Variants in ARHGEF9 observed in about 807,000 individuals in gnomAD.
ARHGEF9 encodes the protein Cdc42 guanine nucleotide exchange factor 9.
In ARHGEF9, 2 loss-of-function variants were observed where a neutral mutation model predicts 41.3. The observed-to-expected ratio is 0.05, with a 90% confidence interval of 0.02 to 0.15. ARHGEF9 has a LOEUF of 0.15. ARHGEF9 is among the 10% of genes least tolerant of loss of function. The pLI is 1.00. For missense variants in ARHGEF9, 225 were observed against 424.7 expected, an observed-to-expected ratio of 0.53 and a Z score of 4.13; for synonymous variants, 160 against 154.4, an observed-to-expected ratio of 1.04 and a Z score of -0.27.
At chrX:63,782,455 G>GA (rs2056397830) in intron 1 of ARHGEF9, among the ~76,000 whole-genome samples, 1 of 112,225 alleles carries the variant, frequency 8.9e-6, no homozygotes, top group South Asian at 3.7e-4. Context: ...TGGCATTGCA[G>GA]AAAGAAGCCA....
chrX:63,666,129 G>T, intron 6 of ARHGEF9, 112 bp from the exon 7 acceptor site: 1 of 1,013,664 alleles, frequency 9.9e-7, no homozygotes, highest in Non-Finnish European at 1.4e-6. Context: ...GCCAGAAAGG[G>T]CCTGGTAGAG....
At position 63,783,276 on chromosome X, in the gene ARHGEF9, T is replaced by A. The variant is rs868983410; in HGVS notation, c.30+1840A>T. On this transcript the variant is annotated intron_variant, in intron 1 of 9. Coordinates refer to ENST00000671741, the MANE Select transcript of ARHGEF9 (RefSeq NM_001353921.2). ...TGGCATGGATTTTTTTCGGGTAATT[T>A]TTTTTTTTTTTTTTTGAGATGGAGT... 6.8e-3 allele frequency among the ~76,000 whole-genome samples: 729 copies of A among 107,094 alleles called. 5 individuals are homozygous for A. Among genetic ancestry groups the A allele is most frequent in the Non-Finnish European group, 0.011 (575 of 51,479 alleles). The allele number at this position is 107,094 out of a possible 115,157, so 93.0% of individuals were successfully genotyped here.
intron 1 of ARHGEF9, among the ~76,000 whole-genome samples, chrX:63,744,621 T>C (rs1184660155): frequency 8.9e-6 from 1 of 112,078 alleles, no homozygotes; most frequent in African/African-American, 3.2e-5. Context: ...ATCTCTGCCC[T>C]ACCCACTTCA....
intron 8 of ARHGEF9, among the ~76,000 whole-genome samples, chrX:63,647,325 G>A (rs782382697): frequency 8.9e-6 from 1 of 111,896 alleles, no homozygotes; most frequent in East Asian, 2.8e-4. Flanking sequence ...CAAAGGGAAT[G>A]CTTCCAGTTT....
chrX:63,741,355 C>G, intron 1 of ARHGEF9, among the ~76,000 whole-genome samples: 1 of 112,508 alleles, frequency 8.9e-6, no homozygotes, highest in Admixed American at 9.4e-5. Context: ...ACTGCCCTCT[C>G]AAGTCTAATT....
At chrX:63,693,666 A>T (rs1426783955) in intron 4 of ARHGEF9, among the ~76,000 whole-genome samples, 1 of 109,344 alleles carries the variant, frequency 9.1e-6, no homozygotes, top group Non-Finnish European at 1.9e-5. Flanking sequence ...TTACATATTA[A>T]TTTTTAATAA....
At chrX:63,655,391 T>C in intron 8 of ARHGEF9, 103 bp downstream of exon 8, 1 of 1,141,353 alleles carries the variant, frequency 8.8e-7, no homozygotes. Context: ...TTAAGTCAGT[T>C]TGCAACAGAA....
In ARHGEF9 at chrX:63,724,647, C is replaced by G; in HGVS notation, c.95G>C (p.Arg32Pro). ...GTCGCCAGCTTTAAATGCCAACTCC[C>G]GGTTGGCCATGGTGACGTGATCCCA... ...AVWDHVTMANRELAFKAGDVI... is the reference protein window; with the variant it reads ...AVWDHVTMANPELAFKAGDVI... Residue 32 changes from arginine (R) to proline (P), a missense_variant, in exon 2 of 10, where the codon CGG (arginine) becomes CCG (proline). By Grantham distance (103) the Arg-to-Pro change is moderately radical. This residue lies in a region of ARHGEF9 where 114 missense variants were observed against 197.9 expected (regional missense o/e 0.58). Coordinates refer to ENST00000671741, the MANE Select transcript of ARHGEF9 (RefSeq NM_001353921.2). 1 of 1,211,177 alleles carries G rather than the reference C, an allele frequency of 8.3e-7. No homozygotes were observed. Among genetic ancestry groups the G allele is most frequent in the African/African-American group, 1.7e-5 (1 of 57,704 alleles).
chrX:63,659,389 C>T (rs1223589201), intron 7 of ARHGEF9, among the ~76,000 whole-genome samples: 2 of 112,199 alleles, frequency 1.8e-5, no homozygotes, highest in Non-Finnish European at 3.8e-5. Flanking sequence ...ACTTTCCTGC[C>T]TAATGAAGTT....
At chrX:63,775,558 C>T (rs2056279686) in intron 1 of ARHGEF9, among the ~76,000 whole-genome samples, 1 of 111,680 alleles carries the variant, frequency 9.0e-6, no homozygotes, top group Non-Finnish European at 1.9e-5. Context: ...TTATCCTAAG[C>T]GAATTAACAC....
chrX:63,661,902 T>A (rs2049246018), intron 7 of ARHGEF9, among the ~76,000 whole-genome samples: 1 of 112,194 alleles, frequency 8.9e-6, no homozygotes, highest in South Asian at 3.7e-4. Context: ...ATTAAGGGAA[T>A]CTTAACAGTT....
intron 2 of ARHGEF9, among the ~76,000 whole-genome samples, chrX:63,711,641 C>A (rs1556406940): frequency 1.8e-5 from 2 of 111,904 alleles, no homozygotes; most frequent in Non-Finnish European, 1.9e-5. Context: ...TTACACTATA[C>A]ACAAAAATTA....
intron 2 of ARHGEF9, among the ~76,000 whole-genome samples, chrX:63,718,855 C>T (rs2053480137): frequency 1.8e-5 from 2 of 111,522 alleles, no homozygotes; most frequent in South Asian, 7.6e-4. Context: ...ATATGACTCT[C>T]AAGGTTGCTT....
intron 4 of ARHGEF9, among the ~76,000 whole-genome samples, chrX:63,693,015 C>T (rs1259496333): frequency 9.0e-6 from 1 of 111,262 alleles, no homozygotes; most frequent in Non-Finnish European, 1.9e-5. Flanking sequence ...CAAAGTTGAT[C>T]TCATGGAGGT....
chrX:63,767,975 T>G (rs1556452683), intron 1 of ARHGEF9, among the ~76,000 whole-genome samples: 1 of 112,217 alleles, frequency 8.9e-6, no homozygotes, highest in Admixed American at 9.4e-5. Flanking sequence ...AATTCATGCA[T>G]GTCAAGGCAC....
At chrX:63,753,184 C>T (rs2055758646) in intron 1 of ARHGEF9, among the ~76,000 whole-genome samples, 1 of 112,069 alleles carries the variant, frequency 8.9e-6, no homozygotes, top group Non-Finnish European at 1.9e-5. Context: ...TACAGACAAG[C>T]AGTCATATCT....
At chrX:63,770,623 T>A (rs1456186356) in intron 1 of ARHGEF9, among the ~76,000 whole-genome samples, 2 of 112,065 alleles carry the variant, frequency 1.8e-5, no homozygotes, top group East Asian at 5.6e-4. Flanking sequence ...ATGGTTTAGC[T>A]CTGTGTCCCC....
intron 7 of ARHGEF9, among the ~76,000 whole-genome samples, chrX:63,658,981 A>T (rs1361493629): frequency 8.9e-6 from 1 of 111,956 alleles, no homozygotes; most frequent in African/African-American, 3.2e-5. Context: ...TTATTCCTGA[A>T]ATAAACTTTC....
intron 1 of ARHGEF9, among the ~76,000 whole-genome samples, chrX:63,773,167 CACAAAAA>C (rs2056232302): frequency 8.9e-6 from 1 of 112,012 alleles, no homozygotes; most frequent in Non-Finnish European, 1.9e-5. Flanking sequence ...TACACACAAA[CACAAAAA>C]ACAAAATCAG....
Sources: gnomAD v4.1 joint callset for allele counts (sites outside exome capture counted in the v4.1 genomes callset) on GRCh38, gnomAD v4.1.1 for gene constraint, gnomAD v4.1.1 regional missense constraint, MANE v1.5 for transcripts, NCBI Gene and HGNC (gene_info 2026-07-23, HGNC 2026-07-21) for gene names.